NEGR1: variants seen among roughly 807,000 people sequenced by gnomAD.
NEGR1 encodes the protein neuronal growth regulator 1.
In NEGR1, 10 loss-of-function variants were observed where a neutral mutation model predicts 40.9. The ratio of observed to expected loss-of-function variants is 0.24; its 90% CI spans 0.15 to 0.42. The LOEUF (loss-of-function observed/expected upper bound fraction) is 0.42, where lower values mean the gene tolerates loss of function less well. NEGR1 is among the 10% of genes least tolerant of loss of function. The probability of loss-of-function intolerance (pLI) is 1.00; values close to 1 mark genes in which losing one functional copy is unlikely to be tolerated. For synonymous variants in NEGR1, 185 were observed against 166.8 expected (o/e 1.11, Z -0.84); for missense variants, 352 against 438.9 (o/e 0.80, Z 1.77).
intron 6 of NEGR1, among the ~76,000 whole-genome samples, chr1:71,527,402 A>AT (rs1647229995): frequency 6.8e-6 from 1 of 147,798 alleles, no homozygotes; most frequent in Non-Finnish European, 1.5e-5. Context: ...CCATCCAACC[A>AT]CCATCCATCC....
At chr1:72,275,769 T>C (rs192056552) in intron 1 of NEGR1, among the ~76,000 whole-genome samples, 45 of 152,206 alleles carry the variant, frequency 3.0e-4, no homozygotes, top group African/African-American at 9.1e-4. Context: ...AGAAATTGTT[T>C]TACAGAAGTA....
At chr1:71,502,266 G>T (rs1393931615) in intron 6 of NEGR1, among the ~76,000 whole-genome samples, 8 of 152,220 alleles carry the variant, frequency 5.3e-5, no homozygotes, top group Non-Finnish European at 1.0e-4. Context: ...CAAGAAAGGG[G>T]ACCTGGGTAT....
intron 2 of NEGR1, among the ~76,000 whole-genome samples, chr1:71,829,156 G>C (rs1658748358): frequency 6.6e-6 from 1 of 151,786 alleles, no homozygotes; most frequent in Non-Finnish European, 1.5e-5. Flanking sequence ...TCTGGAGTTG[G>C]CTATTATATG....
At chr1:72,041,634 A>C (rs1188368370) in intron 1 of NEGR1, among the ~76,000 whole-genome samples, 1 of 150,130 alleles carries the variant, frequency 6.7e-6, no homozygotes, top group Non-Finnish European at 1.5e-5. Flanking sequence ...CGTACCTCAA[A>C]TCCCACTTGT....
intron 2 of NEGR1, among the ~76,000 whole-genome samples, chr1:71,918,689 A>G (rs1382009684): frequency 6.6e-6 from 1 of 152,106 alleles, no homozygotes; most frequent in Non-Finnish European, 1.5e-5. Context: ...GTGCCAAAAA[A>G]AAAAAAATCG....
chr1:71,568,347 A>T (rs1333998), intron 6 of NEGR1, among the ~76,000 whole-genome samples: 93,153 of 152,036 alleles, frequency 0.61, 29,066 homozygotes, highest in Middle Eastern at 0.68. Context: ...ACAGACCATG[A>T]GCCCTGTTTC....
At chr1:71,743,701 A>G (rs1655287850) in intron 3 of NEGR1, among the ~76,000 whole-genome samples, 1 of 152,132 alleles carries the variant, frequency 6.6e-6, no homozygotes, top group Non-Finnish European at 1.5e-5. Flanking sequence ...TCTCTGTGTC[A>G]GTGTGGCTGA....
chr1:71,868,389 C>T (rs898236999), intron 2 of NEGR1, among the ~76,000 whole-genome samples: 1 of 151,794 alleles, frequency 6.6e-6, no homozygotes, highest in Non-Finnish European at 1.5e-5. Context: ...CCATCTTAAA[C>T]AAATGAGTTA....
At chr1:72,086,506 T>G (rs894463807) in intron 1 of NEGR1, among the ~76,000 whole-genome samples, 1 of 152,344 alleles carries the variant, frequency 6.6e-6, no homozygotes, top group Admixed American at 6.5e-5. Context: ...TGTGGAATAT[T>G]GAGTGCCCAA....
chr1:72,170,961 C>T (rs189972003), intron 1 of NEGR1, among the ~76,000 whole-genome samples: 4 of 152,240 alleles, frequency 2.6e-5, no homozygotes, highest in African/African-American at 9.6e-5. Context: ...CTTCTCAGTG[C>T]CCTCTTTTCC....
At chr1:71,754,564 A>G (rs1245747401) in intron 3 of NEGR1, among the ~76,000 whole-genome samples, 3 of 152,076 alleles carry the variant, frequency 2.0e-5, no homozygotes, top group South Asian at 2.1e-4. Flanking sequence ...TAGCATCCCT[A>G]TCTGGAACCC....
intron 1 of NEGR1, among the ~76,000 whole-genome samples, chr1:72,231,340 C>G (rs1398393455): frequency 6.6e-6 from 1 of 152,058 alleles, no homozygotes; most frequent in Non-Finnish European, 1.5e-5. Flanking sequence ...ATTAAGAGGA[C>G]AAACTCTGAA....
chr1:72,146,604 A>G (rs906150236), intron 1 of NEGR1, among the ~76,000 whole-genome samples: 3 of 152,138 alleles, frequency 2.0e-5, no homozygotes, highest in Admixed American at 1.3e-4. Context: ...TCTCCAGGCC[A>G]TATTTATAAG....
chr1:72,161,370 G>A (rs1434095622), intron 1 of NEGR1, among the ~76,000 whole-genome samples: 1 of 152,014 alleles, frequency 6.6e-6, no homozygotes, highest in Admixed American at 6.6e-5. Context: ...TACCCTAGGT[G>A]AGTTCAAAAT....
At chr1:71,848,018 T>C (rs902949916) in intron 2 of NEGR1, among the ~76,000 whole-genome samples, 1 of 152,152 alleles carries the variant, frequency 6.6e-6, no homozygotes, top group Non-Finnish European at 1.5e-5. Context: ...TGGAGAAATT[T>C]TAGTGGTCTG....
intron 1 of NEGR1, among the ~76,000 whole-genome samples, chr1:71,941,662 T>C (rs1488596257): frequency 6.6e-6 from 1 of 152,134 alleles, no homozygotes; most frequent in African/African-American, 2.4e-5. Flanking sequence ...AAGAATTGTA[T>C]TTTAAAATAT....
intron 6 of NEGR1, among the ~76,000 whole-genome samples, chr1:71,432,543 T>C (rs1396560677): frequency 6.6e-6 from 1 of 152,174 alleles, no homozygotes; most frequent in African/African-American, 2.4e-5. Context: ...AAGATGAGAC[T>C]GAAGCACCAA....
chr1:72,049,843 G>T (rs947740709), intron 1 of NEGR1, among the ~76,000 whole-genome samples: 7 of 151,546 alleles, frequency 4.6e-5, no homozygotes, highest in African/African-American at 1.7e-4. Flanking sequence ...AGGCTAAACA[G>T]CAAAATGCTG....
chr1:71,945,641 T>A (rs899386700), intron 1 of NEGR1, among the ~76,000 whole-genome samples: 3 of 152,020 alleles, frequency 2.0e-5, no homozygotes, highest in African/African-American at 7.2e-5. Flanking sequence ...AAGCAGAACA[T>A]GTAGAAAAAG....
Sources: gnomAD v4.1 joint callset for allele counts (sites outside exome capture counted in the v4.1 genomes callset) on GRCh38, gnomAD v4.1.1 for gene constraint, MANE v1.5 for transcripts, NCBI Gene and HGNC (gene_info 2026-07-23, HGNC 2026-07-21) for gene names.